Variants in CDH8 observed in about 807,000 individuals in gnomAD.
CDH8 encodes the protein cadherin 8.
In CDH8, 17 loss-of-function variants were observed where a neutral mutation model predicts 68.1. That is an observed-to-expected ratio of 0.25 (90% CI 0.17 to 0.37). CDH8 has a LOEUF of 0.37. Among genes scored for constraint, CDH8 ranks in the 10% least tolerant of loss-of-function variants. The pLI is 1.00. For synonymous variants in CDH8, 372 were observed against 365.1 expected, an observed-to-expected ratio of 1.02 and a Z score of -0.21; for missense variants, 763 against 999.3, an observed-to-expected ratio of 0.76 and a Z score of 3.19.
At chr16:61,813,327 C>T (rs563301814) in intron 7 of CDH8, among the ~76,000 whole-genome samples, 1 of 152,314 alleles carries the variant, frequency 6.6e-6, no homozygotes, top group South Asian at 2.1e-4. Flanking sequence ...CCCAAGTGCA[C>T]ACCCCAGTTC....
In CDH8 at chr16:61,836,493, T is replaced by C. The variant is rs1443957372; in HGVS notation, c.668-11314A>G. 2.6e-5 allele frequency among the ~76,000 whole-genome samples: 4 copies of C among 152,040 alleles called. No homozygotes were observed. In the East Asian group the frequency reaches 5.8e-4, roughly 22 times the overall value. ...TGACAACATCAATAACTACTACCAC[T>C]ACAACCCCTAAGACTACATTATTGT... On this transcript the variant is annotated intron_variant, in intron 4 of 11. Coordinates refer to ENST00000577390, the MANE Select transcript of CDH8 (RefSeq NM_001796.5).
chr16:61,888,511 G>A (rs951404455), intron 3 of CDH8, among the ~76,000 whole-genome samples: 3 of 152,098 alleles, frequency 2.0e-5, no homozygotes, highest in African/African-American at 7.2e-5. Context: ...CTGACTTTCT[G>A]ATGGGGAGCC....
Position 61,901,322 on chromosome 16 carries a change from G to A in CDH8, c.404C>T (p.Thr135Ile). The change falls in exon 3 of 12, where the codon ACA becomes ATA. Residue 135 changes from threonine (T) to isoleucine (I), a missense_variant. Around this residue, in one of 2 missense-constraint regions of CDH8, gnomAD observed 366 missense variants for 563.1 expected, o/e 0.65. Coordinates refer to ENST00000577390, the MANE Select transcript of CDH8 (RefSeq NM_001796.5). ...TGTCTCCCAGTCCACTGCTTGAGCTGTTAGGGTATACTCAGCCTTTTCCTC... is the reference window on the plus strand; with the variant it reads ...TGTCTCCCAGTCCACTGCTTGAGCTATTAGGGTATACTCAGCCTTTTCCTC... The part of the protein sequence containing the change: ...DREEKAEYTL[T>I]AQAVDWETSK... The A allele has an allele frequency of 6.2e-7, 1 of 1,613,972 alleles. No individual in the cohort carries two copies. The highest frequency in any genetic ancestry group is 8.5e-7 in the Non-Finnish European group (1 of 1,179,958).
At position 61,647,830 on chromosome 16, in the gene CDH8, C is replaced by T. The variant is rs755067512; in HGVS notation, c.*5778G>A. 53 of 699,834 alleles carry T rather than the reference C, an allele frequency of 7.6e-5. No individual in the cohort carries two copies. The East Asian group carries it at 1.4e-3, about 19-fold the overall frequency. The allele number at this position is 699,834 out of a possible 1,614,324, so 43.4% of individuals were successfully genotyped here. ...AGTTCATTGAAGCCATGGTTTTCCACAGTCTTTCTCTTCAGACAGCATCTT... is the reference window on the plus strand; with the variant it reads ...AGTTCATTGAAGCCATGGTTTTCCATAGTCTTTCTCTTCAGACAGCATCTT... On this transcript the variant is annotated 3_prime_UTR_variant, in exon 12 of 12. Coordinates refer to ENST00000577390, the MANE Select transcript of CDH8 (RefSeq NM_001796.5).
At chr16:61,929,410 G>T (rs914298590) in intron 2 of CDH8, among the ~76,000 whole-genome samples, 3 of 152,062 alleles carry the variant, frequency 2.0e-5, no homozygotes, top group Non-Finnish European at 2.9e-5. Context: ...AAAAGGTTTG[G>T]GCTAGGTGTT....
chr16:61,669,847 C>G (rs1479144100), intron 10 of CDH8, among the ~76,000 whole-genome samples: 1 of 152,044 alleles, frequency 6.6e-6, no homozygotes, highest in African/African-American at 2.4e-5. Context: ...CTGCACCTCC[C>G]ATCTTTCTGT....
intron 2 of CDH8, among the ~76,000 whole-genome samples, chr16:61,941,005 GC>G (rs1249627905): frequency 1.3e-5 from 2 of 152,226 alleles, no homozygotes. Flanking sequence ...TTAGAAATGA[GC>G]ATATTAATCT....
In CDH8 at chr16:61,648,416, G is replaced by A. The variant is rs950579869; in HGVS notation, c.*5192C>T. 1 of 152,194 alleles carries A rather than the reference G, an allele frequency of 6.6e-6. No homozygotes were observed. The allele number at this position is 152,194 out of a possible 1,614,324, so 9.4% of individuals were successfully genotyped here. A position where few individuals can be genotyped will look rare whatever the true frequency, so the allele number is the denominator to read the frequency against. ...TCTTTTTGGAAAATTTCACCGTGAC[G>A]TCTTCTTGAGTCTTCCCATATGGGG... On this transcript the variant is annotated 3_prime_UTR_variant, in exon 12 of 12. Coordinates refer to ENST00000577390, the MANE Select transcript of CDH8 (RefSeq NM_001796.5).
intron 2 of CDH8, among the ~76,000 whole-genome samples, chr16:62,015,689 T>C (rs1901922351): frequency 6.6e-6 from 1 of 152,140 alleles, no homozygotes; most frequent in Non-Finnish European, 1.5e-5. Flanking sequence ...TTCAATTTGA[T>C]GGTATTAAGA....
chr16:61,674,001 A>G (rs995412665), intron 10 of CDH8, among the ~76,000 whole-genome samples: 2 of 152,188 alleles, frequency 1.3e-5, no homozygotes, highest in African/African-American at 2.4e-5. Context: ...TAAAATATCA[A>G]CTGTGGAAAT....
In CDH8 at chr16:61,973,760, C is replaced by T. The variant is rs1043417743; in HGVS notation, c.252+47392G>A. ...AAGAAAAGACCCACAACTTCTGGGT[C>T]AGTCTCCAGTTACCGATTAAATTGC... is the stretch of plus-strand genomic sequence containing the variant. On this transcript the variant is annotated intron_variant, in intron 2 of 11. Transcript: ENST00000577390. Among the ~76,000 whole-genome samples, 4 of 152,250 alleles carry T rather than the reference C, an allele frequency of 2.6e-5. No individual in the cohort carries two copies. In the East Asian group the frequency reaches 7.7e-4, roughly 29 times the overall value.
At chr16:62,010,784 CA>C (rs200536073) in intron 2 of CDH8, among the ~76,000 whole-genome samples, 2 of 150,380 alleles carry the variant, frequency 1.3e-5, no homozygotes, top group African/African-American at 2.4e-5. Flanking sequence ...ACTAAAAATA[CA>C]AAAAAAAATT....
chr16:61,923,946 G>A (rs1297434388), intron 2 of CDH8, among the ~76,000 whole-genome samples: 4 of 150,326 alleles, frequency 2.7e-5, no homozygotes, highest in Admixed American at 6.7e-5. Context: ...TCAGAATCAT[G>A]GGTATCAGAA....
At chr16:61,813,871 ACT>A (rs1962013061) in intron 7 of CDH8, among the ~76,000 whole-genome samples, 1 of 152,130 alleles carries the variant, frequency 6.6e-6, no homozygotes, top group African/African-American at 2.4e-5. Flanking sequence ...CCAAGCACTC[ACT>A]AGTAACAACA....
intron 2 of CDH8, among the ~76,000 whole-genome samples, chr16:61,968,282 G>C (rs892295635): frequency 6.6e-6 from 1 of 152,164 alleles, no homozygotes; most frequent in South Asian, 2.1e-4. Context: ...GTATCTGAAG[G>C]TTTTTCCTCC....
At chr16:61,851,624 A>C (rs1046906764) in intron 4 of CDH8, among the ~76,000 whole-genome samples, 1 of 151,958 alleles carries the variant, frequency 6.6e-6, no homozygotes, top group Non-Finnish European at 1.5e-5. Flanking sequence ...ATTACAGGCA[A>C]ACATATGGTA....
At chr16:61,984,268 A>G (rs193256322) in intron 2 of CDH8, among the ~76,000 whole-genome samples, 3 of 152,166 alleles carry the variant, frequency 2.0e-5, no homozygotes, top group Non-Finnish European at 2.9e-5. Context: ...CACCCTCATT[A>G]AACCTAATTA....
intron 2 of CDH8, among the ~76,000 whole-genome samples, chr16:61,921,565 T>C (rs1357065211): frequency 1.3e-5 from 2 of 152,236 alleles, no homozygotes; most frequent in East Asian, 3.9e-4. Flanking sequence ...TTCTGTGAAA[T>C]TGCTGATGTT....
At chr16:61,706,776 C>T (rs890409196) in intron 10 of CDH8, among the ~76,000 whole-genome samples, 1 of 152,050 alleles carries the variant, frequency 6.6e-6, no homozygotes, top group African/African-American at 2.4e-5. Context: ...TTTTTAAGTA[C>T]ATATGAAGTT....
Sources: allele counts gnomAD v4.1 joint callset (sites outside exome capture counted in the v4.1 genomes callset), GRCh38; gene constraint gnomAD v4.1.1; regional missense constraint gnomAD v4.1.1; transcripts MANE v1.5; gene names NCBI Gene and HGNC (gene_info 2026-07-23, HGNC 2026-07-21).